TNRC6C: variants seen among roughly 807,000 people sequenced by gnomAD.
TNRC6C encodes the protein trinucleotide repeat containing adaptor 6C.
A neutral mutation model predicts 153.7 loss-of-function variants in TNRC6C; 20 were observed. That is an observed-to-expected ratio of 0.13 (90% CI 0.09 to 0.19). The LOEUF is 0.19. Ranked by LOEUF, TNRC6C falls within the 10% of genes least tolerant of loss-of-function variation. The pLI is 1.00. For synonymous variants in TNRC6C, 811 were observed against 841.4 expected, an observed-to-expected ratio of 0.96 and a Z score of 0.63; for missense variants, 1,987 against 2,172.0, an observed-to-expected ratio of 0.91 and a Z score of 1.69.
At chr17:78,030,180 C>T (rs145381889) in intron 1 of TNRC6C, among the ~76,000 whole-genome samples, 10 of 152,032 alleles carry the variant, frequency 6.6e-5, no homozygotes, top group East Asian at 1.9e-4. Flanking sequence ...GACGGAGTCT[C>T]GCTCTGTCAC....
intron 1 of TNRC6C, among the ~76,000 whole-genome samples, chr17:77,994,419 G>C (rs1209867581): frequency 2.0e-5 from 3 of 152,124 alleles, no homozygotes; most frequent in Non-Finnish European, 4.4e-5. Flanking sequence ...ATGCTCACCT[G>C]CTCTCCCAAA....
In TNRC6C at chr17:78,015,978, A is replaced by G. The variant is rs1490689522; in HGVS notation, c.-546+10899A>G. Among the ~76,000 whole-genome samples, 3 of 152,184 alleles carry G rather than the reference A, an allele frequency of 2.0e-5. No homozygotes were observed. The East Asian group carries it at 5.8e-4, about 29-fold the overall frequency. On this transcript the variant is annotated intron_variant, in intron 1 of 19. Transcript: ENST00000301624. ...GCTCTTAACCAGATTTCGGCTGAAGAATATAGAAACTACTCTAGCTGTTAT... is the reference window on the plus strand; with the variant it reads ...GCTCTTAACCAGATTTCGGCTGAAGGATATAGAAACTACTCTAGCTGTTAT...
intron 1 of TNRC6C, among the ~76,000 whole-genome samples, chr17:77,965,730 CAT>C (rs1219431409): frequency 3.9e-5 from 6 of 152,166 alleles, no homozygotes; most frequent in Middle Eastern, 3.2e-3. Flanking sequence ...GCCACATACA[CAT>C]ATTAAAAAGT....
At chr17:78,098,285 CAG>C (rs2073524800) in intron 16 of TNRC6C, 56 bp from the exon 20 acceptor site, 1 of 1,479,070 alleles carries the variant, frequency 6.8e-7, no homozygotes, top group African/African-American at 1.4e-5. Flanking sequence ...CCAAACACAG[CAG>C]TGAGTTTTCT....
At chr17:77,988,902 C>T (rs1174162782) in intron 1 of TNRC6C, among the ~76,000 whole-genome samples, 3 of 152,124 alleles carry the variant, frequency 2.0e-5, no homozygotes, top group African/African-American at 4.8e-5. Context: ...TGTTTACTGC[C>T]ATTTTCTAAA....
chr17:78,075,693 C>A lies in TNRC6C; in HGVS notation c.3060+415C>A, dbSNP rs1017092622. Among the ~76,000 whole-genome samples, 2 of 152,112 alleles carry A rather than the reference C, an allele frequency of 1.3e-5. No homozygotes were observed. Among genetic ancestry groups the A allele is most frequent in the African/African-American group, 4.8e-5 (2 of 41,404 alleles). On this transcript the variant is annotated intron_variant, in intron 8 of 19. Coordinates refer to ENST00000301624, the Ensembl canonical transcript of TNRC6C. This position sits in a 1 kb window ranked among gnomAD's most constrained non-coding sequence, Gnocchi z 4.2. Reference sequence around the variant, plus strand: ...GCTTGGGCACCCATCTCTGGCTGGCCCTTGTCAGTTGGCCACATGAGTGAC... The same window carrying A: ...GCTTGGGCACCCATCTCTGGCTGGCACTTGTCAGTTGGCCACATGAGTGAC...
chr17:77,979,058 T>C (rs1598644044), intron 1 of TNRC6C, among the ~76,000 whole-genome samples: 1 of 152,200 alleles, frequency 6.6e-6, no homozygotes, highest in Non-Finnish European at 1.5e-5. Flanking sequence ...CCACAGGAGA[T>C]CTAGATATTA....
At chr17:78,041,256 G>A (rs2072288182) in intron 2 of TNRC6C, 1 of 152,282 alleles carries the variant, frequency 6.6e-6, no homozygotes, top group Non-Finnish European at 1.5e-5. Flanking sequence ...CTAAGCTCTT[G>A]GCTGCAATTC....
chr17:78,090,969 A>T (rs2073383230), intron 13 of TNRC6C, among the ~76,000 whole-genome samples: 1 of 152,116 alleles, frequency 6.6e-6, no homozygotes, highest in South Asian at 2.1e-4. Flanking sequence ...ACAAAGAAAG[A>T]TTTTCCTAAT....
chr17:78,087,016 C>T (rs2073306667), exon 13 of TNRC6C: 2 of 1,613,914 alleles, frequency 1.2e-6, no homozygotes, highest in East Asian at 2.2e-5. Context: ...CCCTCGCACC[C>T]ACAGACTCCC....
At chr17:78,077,253 T>G (rs1455471691) in exon 9 of TNRC6C, 2 of 1,600,620 alleles carry the variant, frequency 1.2e-6, no homozygotes, top group East Asian at 4.5e-5. Flanking sequence ...AGCTCCCCCT[T>G]TCACACAGTG....
At chr17:77,989,602 T>G (rs1390262113) in intron 1 of TNRC6C, among the ~76,000 whole-genome samples, 1 of 152,208 alleles carries the variant, frequency 6.6e-6, no homozygotes, top group East Asian at 1.9e-4. Flanking sequence ...AAACTGAAAT[T>G]ACTTTGTTTA....
At chr17:77,987,573 A>G (rs1050170679) in intron 1 of TNRC6C, among the ~76,000 whole-genome samples, 2 of 152,236 alleles carry the variant, frequency 1.3e-5, no homozygotes, top group Admixed American at 1.3e-4. Context: ...AACAGTGTCA[A>G]ATGGAAACAC....
At chr17:78,031,303 G>A (rs980191990) in intron 1 of TNRC6C, among the ~76,000 whole-genome samples, 3 of 152,030 alleles carry the variant, frequency 2.0e-5, no homozygotes, top group Non-Finnish European at 4.4e-5. Context: ...GGAATCCAAG[G>A]CCCAGGAATA....
chr17:78,035,252 G>GA (rs1353056523), intron 2 of TNRC6C, among the ~76,000 whole-genome samples: 1 of 152,168 alleles, frequency 6.6e-6, no homozygotes, highest in Non-Finnish European at 1.5e-5. Flanking sequence ...AGCAAGCATG[G>GA]AGGCAGTATG....
chr17:77,981,490 G>A (rs1217577114), intron 1 of TNRC6C, among the ~76,000 whole-genome samples: 5 of 152,182 alleles, frequency 3.3e-5, no homozygotes, highest in Admixed American at 3.3e-4. Flanking sequence ...AGTTTGGAAG[G>A]ATTTTAGGAA....
intron 2 of TNRC6C, among the ~76,000 whole-genome samples, chr17:78,047,347 T>C (rs967818926): frequency 3.3e-5 from 5 of 152,232 alleles, no homozygotes; most frequent in Non-Finnish European, 7.3e-5. Flanking sequence ...AAGAACCTAG[T>C]CATTTTATAG....
Position 78,027,020 on chromosome 17 carries a change from A to G in TNRC6C, c.-545-4496A>G, listed in dbSNP as rs140725095. On this transcript the variant is annotated intron_variant, in intron 1 of 19. Coordinates refer to ENST00000301624, the Ensembl canonical transcript of TNRC6C. ...ATGGGACATGTTGATTTTGAAGTGT[A>G]TCAAGTATAAAAGAGTGGACAACAA... is the stretch of plus-strand genomic sequence containing the variant. Among the ~76,000 whole-genome samples the G allele has an allele frequency of 1.8e-4, 28 of 152,300 alleles. 1 individual carries two copies. The East Asian group carries it at 5.4e-3, about 29-fold the overall frequency.
intron 1 of TNRC6C, among the ~76,000 whole-genome samples, chr17:77,970,407 G>A (rs887020433): frequency 1.3e-5 from 2 of 152,070 alleles, no homozygotes; most frequent in African/African-American, 4.8e-5. Flanking sequence ...TATCATGCCT[G>A]GCTAATTTTT....
Sources: gnomAD v4.1 joint callset for allele counts (sites outside exome capture counted in the v4.1 genomes callset) on GRCh38, gnomAD v4.1.1 for gene constraint, Gnocchi (gnomAD v3.1) non-coding constraint, MANE v1.5 for transcripts, NCBI Gene and HGNC (gene_info 2026-07-23, HGNC 2026-07-21) for gene names.